Variants in EML6 observed in about 807,000 individuals in gnomAD.
EML6 encodes the protein EMAP like 6.
EML6 carries 154 observed loss-of-function variants against 240.1 expected under a neutral mutation model. The ratio of observed to expected loss-of-function variants is 0.64; its 90% CI spans 0.56 to 0.73. The LOEUF (loss-of-function observed/expected upper bound fraction) is 0.73, where lower values mean the gene tolerates loss of function less well. Among genes scored for constraint, EML6 ranks in the 30% least tolerant of loss-of-function variants. The probability of loss-of-function intolerance (pLI) is 0.00; values close to 1 mark genes in which losing one functional copy is unlikely to be tolerated. For synonymous variants in EML6, 1,148 were observed against 899.0 expected (o/e 1.28, Z -4.95); for missense variants, 2,964 against 2,474.6 (o/e 1.20, Z -4.20).
chr2:54,923,352 G>C (rs1052667555), intron 26 of EML6, among the ~76,000 whole-genome samples: 3 of 133,122 alleles, frequency 2.3e-5, no homozygotes, highest in African/African-American at 5.7e-5. Flanking sequence ...TAGATCCTAA[G>C]TGTCCTCACC....
At position 54,970,690 on chromosome 2, in the gene EML6, A is replaced by G. The variant is rs1676950435; in HGVS notation, c.*595A>G. ...GTTTTATATCCATTAAGTGCCTTTG[A>G]AAGTTTCCAGTTGTGTGGGCTGCTG... is the stretch of plus-strand genomic sequence containing the variant. On this transcript the variant is annotated 3_prime_UTR_variant, in exon 42 of 42. Coordinates refer to ENST00000356458, the MANE Select transcript of EML6 (RefSeq NM_001039753.4). 1 of 153,240 alleles carries G rather than the reference A, an allele frequency of 6.5e-6. No individual in the cohort carries two copies. Among genetic ancestry groups the G allele is most frequent in the African/African-American group, 2.4e-5 (1 of 41,424 alleles). 9.5% of individuals were successfully genotyped at this position (153,240 alleles called of 1,614,324 possible). A position where few individuals can be genotyped will look rare whatever the true frequency, so the allele number is the denominator to read the frequency against.
At chr2:54,927,626 T>C (rs1456848546) in intron 26 of EML6, among the ~76,000 whole-genome samples, 1 of 152,212 alleles carries the variant, frequency 6.6e-6, no homozygotes, top group Non-Finnish European at 1.5e-5. Context: ...TGCCCTGGCA[T>C]GAGCAGCTGA....
rs1308253671 is a variant in EML6 at position 54,844,387 on chromosome 2, A to G, written c.1049+139A>G. 5 of 684,392 alleles carry G rather than the reference A, an allele frequency of 7.3e-6. No homozygotes were observed. In the East Asian group the frequency reaches 8.2e-5, roughly 11 times the overall value. The allele number at this position is 684,392 out of a possible 1,614,324, so 42.4% of individuals were successfully genotyped here. On this transcript the variant is annotated intron_variant, in intron 8 of 41. Transcript: ENST00000356458. Reference sequence around the variant, plus strand: ...AAACGTTAAGACATTTAGCTCATCAAGTGGGTTTTTGGCATTTTGCTCCTG... The same window carrying G: ...AAACGTTAAGACATTTAGCTCATCAGGTGGGTTTTTGGCATTTTGCTCCTG...
chr2:54,812,622 A>G (rs1667905364), intron 2 of EML6, among the ~76,000 whole-genome samples: 1 of 152,168 alleles, frequency 6.6e-6, no homozygotes, highest in Non-Finnish European at 1.5e-5. Context: ...TTATCGAACT[A>G]CAGAGAAAAA....
intron 28 of EML6, among the ~76,000 whole-genome samples, chr2:54,946,926 GA>G (rs565790853): frequency 1.9e-4 from 28 of 144,286 alleles, no homozygotes; most frequent in South Asian, 8.9e-4. Context: ...AAATCAAGGT[GA>G]AAAAAAAAAG....
chr2:54,729,210 T>C (rs570512656), intron 2 of EML6, among the ~76,000 whole-genome samples: 2 of 152,358 alleles, frequency 1.3e-5, no homozygotes, highest in Admixed American at 6.5e-5. Flanking sequence ...CAGGGTCCTG[T>C]TTGCATCTGC....
chr2:54,843,336 G>A (rs1233329795), intron 7 of EML6, among the ~76,000 whole-genome samples: 1 of 152,114 alleles, frequency 6.6e-6, no homozygotes, highest in Non-Finnish European at 1.5e-5. Flanking sequence ...GGTGAAGCAG[G>A]AGGATTACTT....
chr2:54,919,231 T>G (rs1457826508), intron 26 of EML6, among the ~76,000 whole-genome samples: 1 of 145,042 alleles, frequency 6.9e-6, no homozygotes, highest in Non-Finnish European at 1.5e-5. Flanking sequence ...CTAACTTTCC[T>G]CTATTTTGCT....
Position 54,959,181 on chromosome 2 carries a change from C to G in EML6, c.4773C>G (p.Ala1591=), listed in dbSNP as rs1037029657. The change falls in exon 34 of 42, where the codon GCC becomes GCG. Residue 1591 remains alanine (A), a synonymous_variant. Coordinates refer to ENST00000356458, the MANE Select transcript of EML6 (RefSeq NM_001039753.4). ...ACCACTTCCTCATCCGGCTGGTGGC[C>G]AAGGCTCACACAGGCCCCGTGTTCA... ...WKDHFLIRLV[A]KAHTGPVFTM... 1.0e-5 allele frequency: 16 copies of G among 1,551,458 alleles called. No individual in the cohort carries two copies. In the African/African-American group the frequency reaches 2.2e-4, roughly 21 times the overall value.
intron 12 of EML6, among the ~76,000 whole-genome samples, chr2:54,861,921 A>G (rs977505678): frequency 4.6e-5 from 7 of 152,224 alleles, no homozygotes; most frequent in African/African-American, 1.7e-4. Context: ...GGAATTCAAA[A>G]TAATAGTCAT....
At chr2:54,756,310 T>G (rs1347289382) in intron 2 of EML6, among the ~76,000 whole-genome samples, 2 of 152,254 alleles carry the variant, frequency 1.3e-5, no homozygotes, top group Non-Finnish European at 2.9e-5. Flanking sequence ...ACTGTGCTCT[T>G]TAATTTTATC....
chr2:54,837,473 C>A (rs1669214876), intron 7 of EML6, among the ~76,000 whole-genome samples: 3 of 152,212 alleles, frequency 2.0e-5, no homozygotes. Context: ...CTCACGGGCA[C>A]ACGGCTTGGT....
At chr2:54,821,995 T>TC (rs1668356760) in intron 5 of EML6, among the ~76,000 whole-genome samples, 1 of 152,114 alleles carries the variant, frequency 6.6e-6, no homozygotes, top group South Asian at 2.1e-4. Context: ...ATTCCTTTTT[T>TC]CCACAAAAAG....
intron 2 of EML6, among the ~76,000 whole-genome samples, chr2:54,790,652 C>T (rs1349361014): frequency 6.6e-6 from 1 of 151,580 alleles, no homozygotes; most frequent in Non-Finnish European, 1.5e-5. Flanking sequence ...GGCTTTCCCA[C>T]AGTTGATCAT....
chr2:54,895,115 C>A, intron 20 of EML6, 89 bp downstream of exon 20: 1 of 1,311,184 alleles, frequency 7.6e-7, no homozygotes, highest in Non-Finnish European at 1.1e-6. Flanking sequence ...ATTAGCAAAT[C>A]AATTTTCTCC....
intron 36 of EML6, among the ~76,000 whole-genome samples, chr2:54,962,975 A>AT (rs1676588788): frequency 2.0e-5 from 3 of 152,278 alleles, no homozygotes; most frequent in Non-Finnish European, 4.4e-5. Context: ...CTGGATGAGA[A>AT]GACTAAAAAT....
chr2:54,938,950 GT>G (rs2104437922), intron 28 of EML6, among the ~76,000 whole-genome samples: 1 of 152,286 alleles, frequency 6.6e-6, no homozygotes, highest in Admixed American at 6.5e-5. Flanking sequence ...CCTGATCAGG[GT>G]TACACGTAAA....
chr2:54,773,645 C>T (rs770274318), intron 2 of EML6, among the ~76,000 whole-genome samples: 17 of 152,240 alleles, frequency 1.1e-4, no homozygotes, highest in Non-Finnish European at 1.9e-4. Flanking sequence ...ATTGTCTAAG[C>T]TCTCAGATGT....
At chr2:54,762,321 A>G (rs1207389439) in intron 2 of EML6, among the ~76,000 whole-genome samples, 2 of 152,170 alleles carry the variant, frequency 1.3e-5, no homozygotes, top group Non-Finnish European at 2.9e-5. Flanking sequence ...TCCTCAGAAC[A>G]TCACGGATGG....
Sources: allele counts gnomAD v4.1 joint callset (sites outside exome capture counted in the v4.1 genomes callset), GRCh38; gene constraint gnomAD v4.1.1; transcripts MANE v1.5; gene names NCBI Gene and HGNC (gene_info 2026-07-23, HGNC 2026-07-21).